ZNF451: variants seen among roughly 807,000 people sequenced by gnomAD.
ZNF451 encodes the protein zinc finger protein 451.
ZNF451 carries 80 observed loss-of-function variants against 107.1 expected under a neutral mutation model. The observed-to-expected ratio is 0.75, with a 90% CI of 0.62 to 0.90. The LOEUF (loss-of-function observed/expected upper bound fraction) is 0.90, where lower values mean the gene tolerates loss of function less well. Ranked by LOEUF, ZNF451 falls within the 40% of genes least tolerant of loss-of-function variation. The pLI, the probability that ZNF451 is intolerant of heterozygous loss-of-function variation, is 0.00. For synonymous variants in ZNF451, 362 were observed against 406.5 expected, an observed-to-expected ratio of 0.89 and a Z score of 1.32; for missense variants, 1,107 against 1,236.2, an observed-to-expected ratio of 0.90 and a Z score of 1.57.
intron 5 of ZNF451, among the ~76,000 whole-genome samples, chr6:57,129,767 C>G (rs1333186291): frequency 2.0e-5 from 3 of 152,110 alleles, no homozygotes; most frequent in South Asian, 4.1e-4. Flanking sequence ...TATCAACCTG[C>G]CTGTGCCTCG....
chr6:57,108,269 T>C (rs1297614359), intron 3 of ZNF451: 1 of 985,370 alleles, frequency 1.0e-6, no homozygotes, highest in Non-Finnish European at 1.2e-6. Context: ...ATAGTACTGT[T>C]TTCTTTCATT....
At chr6:57,095,905 C>T (rs897315778) in intron 2 of ZNF451, among the ~76,000 whole-genome samples, 2 of 151,974 alleles carry the variant, frequency 1.3e-5, no homozygotes, top group African/African-American at 4.8e-5. Context: ...CTCTCTGCAA[C>T]TTCTGCCTCC....
chr6:57,151,363 C>T (rs1213618908), intron 11 of ZNF451: 2 of 123,168 alleles, frequency 1.6e-5, no homozygotes, highest in African/African-American at 3.2e-5. Flanking sequence ...CAGAGTGAGA[C>T]TCTGTCTTAA....
chr6:57,146,012 A>G (rs1832047381), intron 9 of ZNF451, among the ~76,000 whole-genome samples: 1 of 152,112 alleles, frequency 6.6e-6, no homozygotes, highest in Non-Finnish European at 1.5e-5. Context: ...GTAAGATGGT[A>G]TCGCATTGTT....
intron 3 of ZNF451, chr6:57,101,853 T>C (rs1212923103): frequency 6.4e-7 from 1 of 1,550,584 alleles, no homozygotes; most frequent in Non-Finnish European, 8.7e-7. Context: ...ACTTGCCCTT[T>C]GATGGTACTT....
intron 9 of ZNF451, 80 bp from the exon 10 acceptor site, chr6:57,147,010 A>C: frequency 7.7e-7 from 1 of 1,297,712 alleles, no homozygotes; most frequent in Non-Finnish European, 1.0e-6. Context: ...GTTATTTTAT[A>C]ATTCCTGCAA....
At chr6:57,113,280 C>G (rs1036860485) in intron 3 of ZNF451, among the ~76,000 whole-genome samples, 6 of 151,418 alleles carry the variant, frequency 4.0e-5, no homozygotes, top group African/African-American at 1.2e-4. Context: ...AGCCCTCCAG[C>G]TCCATCCATG....
intron 2 of ZNF451, among the ~76,000 whole-genome samples, chr6:57,094,096 C>T (rs1829175290): frequency 1.3e-5 from 2 of 152,152 alleles, no homozygotes; most frequent in African/African-American, 2.4e-5. Context: ...TATCTCTTTC[C>T]AATTAGTAGG....
At chr6:57,114,235 A>G (rs1237146800) in intron 3 of ZNF451, among the ~76,000 whole-genome samples, 1 of 152,208 alleles carries the variant, frequency 6.6e-6, no homozygotes, top group African/African-American at 2.4e-5. Context: ...TTTACATTCC[A>G]AAGAAGAATA....
In ZNF451 at chr6:57,148,347, C is replaced by T. The variant is rs557968236; in HGVS notation, c.2262C>T (p.Arg754=). ...IMLDKGKLWF[R]CSLCSATAQN... ...TGGATAAAGGAAAACTGTGGTTTCG[C>T]TGCAGTTTATGTTCGGCAACAGCAC... Residue 754 remains arginine (R), a synonymous_variant, in exon 10 of 15, where the codon CGC becomes CGT. Transcript: ENST00000370706. The T allele has an allele frequency of 6.2e-7, 1 of 1,613,982 alleles. No homozygotes were observed. The highest frequency in any genetic ancestry group is 1.3e-5 in the African/African-American group (1 of 75,036).
chr6:57,130,831 ATAAGCT>A (rs1254918022), intron 5 of ZNF451, among the ~76,000 whole-genome samples: 1 of 152,120 alleles, frequency 6.6e-6, no homozygotes, highest in Non-Finnish European at 1.5e-5. Context: ...TTGATGGCTG[ATAAGCT>A]TAAGCCTGGA....
chr6:57,099,400 T>C (rs1593078226), intron 3 of ZNF451: 1 of 708,222 alleles, frequency 1.4e-6, no homozygotes. Context: ...TCTGATAAAA[T>C]GGAAATGGAA....
intron 3 of ZNF451, chr6:57,099,659 C>T (rs567364956): frequency 3.2e-6 from 2 of 619,844 alleles, no homozygotes; most frequent in South Asian, 2.0e-5. Context: ...AGTTATTTAT[C>T]TTACCTGTGA....
In ZNF451 at chr6:57,150,707, C is replaced by T; in HGVS notation, c.2609-12C>T. The T allele has an allele frequency of 1.3e-6, 2 of 1,581,344 alleles. No homozygotes were observed. Among genetic ancestry groups the T allele is most frequent in the Non-Finnish European group, 1.7e-6 (2 of 1,166,602 alleles). ...TCTTACTGAACTCATGTTGATATTT[C>T]TCTCTTCTCAGAGGAAGAAATTGTT... On this transcript the variant is annotated splice_polypyrimidine_tract_variant and intron_variant, in intron 10 of 14. Transcript: ENST00000370706.
chr6:57,162,947 A>G (rs528860651), intron 14 of ZNF451, among the ~76,000 whole-genome samples: 44 of 152,194 alleles, frequency 2.9e-4, no homozygotes, highest in Non-Finnish European at 5.6e-4. Context: ...TAGTTGTCAT[A>G]GTTAAAATAG....
chr6:57,147,170 G>GTTA lies in ZNF451; in HGVS notation c.1088_1090dup (p.Tyr363dup). 6.2e-7 allele frequency: 1 copy of GTTA among 1,614,032 alleles called. No homozygotes were observed. The highest frequency in any genetic ancestry group is 8.5e-7 in the Non-Finnish European group (1 of 1,179,954). On this transcript the variant is annotated inframe_insertion, in exon 10 of 15. Coordinates refer to ENST00000370706, the MANE Select transcript of ZNF451 (RefSeq NM_001031623.3). Reference sequence around the variant, plus strand: ...GTTGCAGAGAAATTCATATTAAGAGGTTATTGTCCAGATTGCAATCAAGTC... The same window carrying GTTA: ...GTTGCAGAGAAATTCATATTAAGAGGTTATTATTGTCCAGATTGCAATCAAGTC...
At chr6:57,138,741 A>ATATATATATATG (rs1365084616) in intron 7 of ZNF451, among the ~76,000 whole-genome samples, 3 of 46,596 alleles carry the variant, frequency 6.4e-5, no homozygotes, top group African/African-American at 1.8e-4. Context: ...ATATATATAT[A>ATATATATATATG]TGTGTGTGTG....
intron 3 of ZNF451, chr6:57,101,177 G>A (rs1406933790): frequency 6.4e-7 from 1 of 1,550,792 alleles, no homozygotes; most frequent in Non-Finnish European, 8.7e-7. Flanking sequence ...TCTGACCCCA[G>A]CCAATCTAGT....
chr6:57,098,583 A>G (rs990133174), intron 2 of ZNF451, among the ~76,000 whole-genome samples: 23 of 151,916 alleles, frequency 1.5e-4, no homozygotes, highest in African/African-American at 5.1e-4. Context: ...CCTGACATTC[A>G]AGGCCTGGTT....
Sources: gnomAD v4.1 joint callset for allele counts (sites outside exome capture counted in the v4.1 genomes callset) on GRCh38, gnomAD v4.1.1 for gene constraint, MANE v1.5 for transcripts, NCBI Gene and HGNC (gene_info 2026-07-23, HGNC 2026-07-21) for gene names.